NEK6: variants seen among roughly 807,000 people sequenced by gnomAD.
The protein encoded by NEK6 is serine/threonine-protein kinase Nek6.
In NEK6, 27 loss-of-function variants were observed where a neutral mutation model predicts 43.5. The ratio of observed to expected loss-of-function variants is 0.62; its 90% CI spans 0.46 to 0.86. NEK6 has a LOEUF of 0.86. Among genes scored for constraint, NEK6 ranks in the 40% least tolerant of loss-of-function variants. The pLI is 0.00. For missense variants in NEK6, 318 were observed against 414.4 expected, an observed-to-expected ratio of 0.77 and a Z score of 2.02; for synonymous variants, 167 against 164.1, an observed-to-expected ratio of 1.02 and a Z score of -0.14.
intron 8 of NEK6, among the ~76,000 whole-genome samples, chr9:124,340,712 C>G (rs144271086): frequency 6.6e-6 from 1 of 152,340 alleles, no homozygotes; most frequent in African/African-American, 2.4e-5. Context: ...GAACTTCAGT[C>G]TCAGCTGCTG....
chr9:124,351,042 A>G lies in NEK6; in HGVS notation c.*95A>G. On this transcript the variant is annotated 3_prime_UTR_variant, in exon 10 of 10. Transcript: ENST00000320246. The stretch of plus-strand genomic sequence containing the variant: ...GGCCACCTGGTAGCCTAGAACAGCT[A>G]AGACCACAGGGTTCAGCAGGTTCCC... The G allele has an allele frequency of 1.2e-6, 1 of 805,972 alleles. No homozygotes were observed. The highest frequency in any genetic ancestry group is 2.0e-6 in the Non-Finnish European group (1 of 491,574). 49.9% of individuals were successfully genotyped at this position (805,972 alleles called of 1,614,324 possible). A position where few individuals can be genotyped will look rare whatever the true frequency, so the allele number is the denominator to read the frequency against.
chr9:124,260,401 T>C (rs911452083), intron 1 of NEK6, among the ~76,000 whole-genome samples: 1 of 152,140 alleles, frequency 6.6e-6, no homozygotes, highest in Non-Finnish European at 1.5e-5. Context: ...TTTATTTATT[T>C]ATTTATTTTT....
At chr9:124,288,692 AAGAT>A (rs1347513227) in intron 1 of NEK6, among the ~76,000 whole-genome samples, 1 of 152,134 alleles carries the variant, frequency 6.6e-6, no homozygotes, top group Non-Finnish European at 1.5e-5. Flanking sequence ...GCAGCCCTAC[AAGAT>A]GGGTCCTACT....
rs1829762610 is a variant in NEK6 at position 124,343,526 on chromosome 9, T to C, written c.717+3861T>C. 6.6e-6 allele frequency among the ~76,000 whole-genome samples: 1 copy of C among 152,078 alleles called. No individual in the cohort carries two copies. The highest frequency in any genetic ancestry group is 2.4e-5 in the African/African-American group (1 of 41,420). On this transcript the variant is annotated intron_variant, in intron 8 of 9. Transcript: ENST00000320246. This position sits in a 1 kb window ranked among gnomAD's most constrained non-coding sequence, Gnocchi z 5.1. ...AACGGGGCAGGGGCTCTGTGCCAAGTGACCCCCTCCCCACTCCTGCAGTCC... is the reference window on the plus strand; with the variant it reads ...AACGGGGCAGGGGCTCTGTGCCAAGCGACCCCCTCCCCACTCCTGCAGTCC...
Position 124,326,210 on chromosome 9 carries a change from C to CG in NEK6, c.406-120_406-119insG, listed in dbSNP as rs1834326219. ...TTTGCTCAGTGGCTCAATCCCCCCCCCCCGCCCCTGCCAGGCACCAGTTAC... is the reference window on the plus strand; with the variant it reads ...TTTGCTCAGTGGCTCAATCCCCCCCCGCCCGCCCCTGCCAGGCACCAGTTAC... On this transcript the variant is annotated intron_variant, in intron 5 of 9. Coordinates refer to ENST00000320246, the MANE Select transcript of NEK6 (RefSeq NM_014397.6). The surrounding 1 kb of genome is among the most constrained non-coding windows in gnomAD (Gnocchi z 4.5). 1 of 196,978 alleles carries CG rather than the reference C, an allele frequency of 5.1e-6. No homozygotes were observed. The highest frequency in any genetic ancestry group is 1.3e-5 in the Non-Finnish European group (1 of 78,450). The allele number at this position is 196,978 out of a possible 1,614,324, so 12.2% of individuals were successfully genotyped here.
At chr9:124,329,775 A>C (rs1038172657) in intron 7 of NEK6, among the ~76,000 whole-genome samples, 1 of 152,278 alleles carries the variant, frequency 6.6e-6, no homozygotes, top group Non-Finnish European at 1.5e-5. Context: ...GACCCAGGGG[A>C]AAGACCCCTT....
At chr9:124,264,506 G>A (rs1036343802) in intron 1 of NEK6, among the ~76,000 whole-genome samples, 3 of 152,140 alleles carry the variant, frequency 2.0e-5, no homozygotes, top group African/African-American at 7.2e-5. Flanking sequence ...TGACAAAAAA[G>A]GTAGTGTAAA....
At chr9:124,331,088 C>G (rs952889136) in intron 7 of NEK6, among the ~76,000 whole-genome samples, 4 of 151,836 alleles carry the variant, frequency 2.6e-5, no homozygotes, top group African/African-American at 9.7e-5. Flanking sequence ...TATGGTGAAA[C>G]CTCGTCGCTA....
At chr9:124,301,466 CT>C (rs1832972196) in intron 1 of NEK6, among the ~76,000 whole-genome samples, 2 of 152,202 alleles carry the variant, frequency 1.3e-5, no homozygotes, top group African/African-American at 4.8e-5. Context: ...ACGTAGGTTC[CT>C]TCCCACAGCA....
Position 124,327,322 on chromosome 9 carries a change from T to C in NEK6, c.515-16T>C, listed in dbSNP as rs768391142. ...GCCTCCTACCCCACACCAATCTCCT[T>C]CTCCTCGCCCTGCAGACATCAAGCC... On this transcript the variant is annotated splice_polypyrimidine_tract_variant and intron_variant, in intron 6 of 9. Coordinates refer to ENST00000320246, the MANE Select transcript of NEK6 (RefSeq NM_014397.6). 1.2e-6 allele frequency: 2 copies of C among 1,611,702 alleles called. No individual in the cohort carries two copies. Among genetic ancestry groups the C allele is most frequent in the East Asian group, 4.5e-5 (2 of 44,838 alleles).
In NEK6 at chr9:124,324,220, A is replaced by G. The variant is rs1285102798; in HGVS notation, c.406-2110A>G. On this transcript the variant is annotated intron_variant, in intron 5 of 9. Transcript: ENST00000320246. The surrounding 1 kb of genome is among the most constrained non-coding windows in gnomAD (Gnocchi z 5.3). Reference sequence around the variant, plus strand: ...GCCTCAGTTGCCTCATCTGTAACATACCAGCACAATGCCTGGGGTTTGGTG... The same window carrying G: ...GCCTCAGTTGCCTCATCTGTAACATGCCAGCACAATGCCTGGGGTTTGGTG... Among the ~76,000 whole-genome samples, 1 of 152,104 alleles carries G rather than the reference A, an allele frequency of 6.6e-6. No homozygotes were observed. The highest frequency in any genetic ancestry group is 1.5e-5 in the Non-Finnish European group (1 of 68,008).
chr9:124,301,880 T>A, intron 1 of NEK6, 56 bp from the exon 2 acceptor site: 1 of 1,401,784 alleles, frequency 7.1e-7, no homozygotes, highest in Non-Finnish European at 9.9e-7. Context: ...CGAAAGTCCC[T>A]CCTCCTTCTG....
chr9:124,342,466 T>C (rs892360353), intron 8 of NEK6, among the ~76,000 whole-genome samples: 1 of 152,218 alleles, frequency 6.6e-6, no homozygotes, highest in African/African-American at 2.4e-5. Flanking sequence ...GTGTCCCATA[T>C]GTAGAATGAG....
chr9:124,291,880 G>T (rs1225292100), intron 1 of NEK6: 11 of 985,486 alleles, frequency 1.1e-5, no homozygotes, highest in Non-Finnish European at 1.3e-5. Flanking sequence ...TTAGAGCAGC[G>T]CATGGTGGGG....
intron 2 of NEK6, among the ~76,000 whole-genome samples, chr9:124,304,493 C>T (rs780812274): frequency 5.3e-5 from 8 of 152,146 alleles, no homozygotes; most frequent in Non-Finnish European, 1.5e-5. Flanking sequence ...ATAATAATGC[C>T]GCTTCCCTCA....
At chr9:124,302,220 C>T (rs1219019929) in intron 2 of NEK6, among the ~76,000 whole-genome samples, 166 bp downstream of exon 2, 1 of 152,220 alleles carries the variant, frequency 6.6e-6, no homozygotes, top group African/African-American at 2.4e-5. Flanking sequence ...ATCTAGTGAG[C>T]TCATCGTTGA....
At chr9:124,334,794 G>A (rs1829204413) in intron 7 of NEK6, among the ~76,000 whole-genome samples, 1 of 152,228 alleles carries the variant, frequency 6.6e-6, no homozygotes, top group African/African-American at 2.4e-5. Flanking sequence ...CCGGGCTGAG[G>A]GCCAGGCACT....
At chr9:124,319,351 T>C (rs1199377293) in intron 4 of NEK6, among the ~76,000 whole-genome samples, 4 of 152,186 alleles carry the variant, frequency 2.6e-5, no homozygotes, top group Non-Finnish European at 5.9e-5. Context: ...TTCTGGACAT[T>C]AGTCCTTTGT....
chr9:124,333,295 A>G (rs748661), intron 7 of NEK6, among the ~76,000 whole-genome samples: 90,399 of 152,118 alleles, frequency 0.59, 27,154 homozygotes, highest in East Asian at 0.8. Flanking sequence ...ACAAGTTGCC[A>G]TCACAGGAAG....
Sources: gnomAD v4.1 joint callset for allele counts (sites outside exome capture counted in the v4.1 genomes callset) on GRCh38, gnomAD v4.1.1 for gene constraint, Gnocchi (gnomAD v3.1) non-coding constraint, MANE v1.5 for transcripts, NCBI Gene and HGNC (gene_info 2026-07-23, HGNC 2026-07-21) for gene names.